ROPN1L: variants seen among roughly 807,000 people sequenced by gnomAD.
The protein encoded by ROPN1L is rhophilin associated tail protein 1 like.
In ROPN1L, 23 loss-of-function variants were observed where a neutral mutation model predicts 22.7. That is an observed-to-expected ratio of 1.01 (90% CI 0.73 to 1.43). ROPN1L has a LOEUF of 1.43. Among genes scored for constraint, ROPN1L ranks in the 40% most tolerant of loss-of-function variants. ROPN1L has a pLI of 0.00. For missense variants in ROPN1L, 271 were observed against 291.5 expected (o/e 0.93, Z 0.51); for synonymous variants, 116 against 117.8 (o/e 0.98, Z 0.10).
rs937981284 is a variant in ROPN1L at position 10,442,094 on chromosome 5, G to C, written c.-74G>C. The C allele has an allele frequency of 1.9e-6, 3 of 1,559,348 alleles. No homozygotes were observed. The highest frequency in any genetic ancestry group is 2.6e-6 in the Non-Finnish European group (3 of 1,144,756). On this transcript the variant is annotated 5_prime_UTR_variant, in exon 1 of 5. Coordinates refer to ENST00000274134, the MANE Select transcript of ROPN1L (RefSeq NM_031916.5). ...CCCGCGCTGCTAGCGGGTCCACCGCGTCGTAGCCGACAGCCGCCCTTCTTC... is the reference window on the plus strand; with the variant it reads ...CCCGCGCTGCTAGCGGGTCCACCGCCTCGTAGCCGACAGCCGCCCTTCTTC...
chr5:10,451,928 A>AATCTATCTGTCT (rs1554029674), intron 3 of ROPN1L, among the ~76,000 whole-genome samples: 14 of 150,520 alleles, frequency 9.3e-5, no homozygotes, highest in Non-Finnish European at 2.1e-4. Context: ...AACTCTGTGA[A>AATCTATCTGTCT]ATCTATCTAT....
intron 4 of ROPN1L, 116 bp downstream of exon 4, chr5:10,461,475 A>C: frequency 4.5e-6 from 4 of 883,452 alleles, no homozygotes; most frequent in Non-Finnish European, 7.2e-6. Context: ...CCACAACAAT[A>C]ATCAACACAG....
In ROPN1L at chr5:10,443,337, T is replaced by G. The variant is rs151093803; in HGVS notation, c.131+1039T>G. On this transcript the variant is annotated intron_variant, in intron 1 of 4. Coordinates refer to ENST00000274134, the MANE Select transcript of ROPN1L (RefSeq NM_031916.5). ...TGACAGCTTAAAACACAGACATACA[T>G]TTGGGCCGGGCGCGGTGGCTCACGC... is the stretch of plus-strand genomic sequence containing the variant. Among the ~76,000 whole-genome samples, 693 of 150,508 alleles carry G rather than the reference T, an allele frequency of 4.6e-3. 2 individuals are homozygous for G. Among genetic ancestry groups the G allele is most frequent in the African/African-American group, 0.016 (677 of 41,428 alleles).
At chr5:10,452,287 A>ATGTG (rs762971211) in intron 3 of ROPN1L, among the ~76,000 whole-genome samples, 172 of 142,508 alleles carry the variant, frequency 1.2e-3, no homozygotes, top group East Asian at 3.1e-3. Flanking sequence ...CCTAAAGTAT[A>ATGTG]TGTGTGTGTG....
chr5:10,458,489 C>CTCA (rs1734904532), intron 3 of ROPN1L, among the ~76,000 whole-genome samples: 1 of 134,256 alleles, frequency 7.4e-6, no homozygotes, highest in African/African-American at 2.9e-5. Context: ...CACCATCCCG[C>CTCA]TGTGTACACC....
intron 3 of ROPN1L, among the ~76,000 whole-genome samples, chr5:10,456,208 TG>T: frequency 6.6e-6 from 1 of 152,352 alleles, no homozygotes; most frequent in South Asian, 2.1e-4. Context: ...AGTGTTTGGC[TG>T]GGTGCAGTGG....
intron 3 of ROPN1L, among the ~76,000 whole-genome samples, chr5:10,459,597 T>G (rs2088625): frequency 6.6e-6 from 1 of 151,932 alleles, no homozygotes; most frequent in African/African-American, 2.4e-5. Flanking sequence ...TCTAGCTACC[T>G]GGAGCTCCTG....
At chr5:10,446,238 C>T (rs1044785384) in intron 1 of ROPN1L, among the ~76,000 whole-genome samples, 7 of 152,170 alleles carry the variant, frequency 4.6e-5, no homozygotes, top group Admixed American at 2.6e-4. Flanking sequence ...TTTCCAGCCT[C>T]GGCCCTACTG....
intron 3 of ROPN1L, among the ~76,000 whole-genome samples, chr5:10,460,840 C>T (rs1735009329): frequency 6.6e-6 from 1 of 152,216 alleles, no homozygotes; most frequent in South Asian, 2.1e-4. Context: ...CCGGGTGTGT[C>T]TCCGGGCCAG....
chr5:10,450,386 C>T (rs908730107), intron 3 of ROPN1L, among the ~76,000 whole-genome samples: 9 of 152,288 alleles, frequency 5.9e-5, no homozygotes, highest in Non-Finnish European at 1.2e-4. Context: ...GAAAATGCAT[C>T]AATGACTTTT....
chr5:10,452,299 G>A (rs1338902753), intron 3 of ROPN1L, among the ~76,000 whole-genome samples: 1 of 145,478 alleles, frequency 6.9e-6, no homozygotes, highest in African/African-American at 2.7e-5. Context: ...GTGTGTGTGT[G>A]TGTGTGTGTG....
intron 3 of ROPN1L, among the ~76,000 whole-genome samples, chr5:10,460,153 G>C (rs1035680968): frequency 3.3e-5 from 5 of 152,034 alleles, no homozygotes; most frequent in Admixed American, 2.6e-4. Context: ...GGGTGTTGAA[G>C]GCTGCAGGTC....
intron 3 of ROPN1L, among the ~76,000 whole-genome samples, chr5:10,457,061 G>A (rs1024996077): frequency 3.9e-5 from 6 of 152,200 alleles, no homozygotes; most frequent in African/African-American, 1.2e-4. Flanking sequence ...TGAAATACAC[G>A]ACTCGGCTTT....
At chr5:10,473,949 C>G (rs1033987643), downstream of ROPN1L, among the ~76,000 whole-genome samples, 2 of 151,926 alleles carry the variant, frequency 1.3e-5, no homozygotes, top group Non-Finnish European at 2.9e-5. Flanking sequence ...TGCAGGAGTT[C>G]GAGACCACCC....
Position 10,464,373 on chromosome 5 carries a change from C to G in ROPN1L, c.594-475C>G, listed in dbSNP as rs560720263. Among the ~76,000 whole-genome samples, 8 of 152,362 alleles carry G rather than the reference C, an allele frequency of 5.3e-5. No homozygotes were observed. The East Asian group carries it at 1.5e-3, about 29-fold the overall frequency. ...CAGCTCTCCTCCTGGTGCCCACAGC[C>G]TCTGCTTCTGCACCGCCATCCGGGT... On this transcript the variant is annotated intron_variant, in intron 4 of 4. Transcript: ENST00000274134.
downstream of ROPN1L, among the ~76,000 whole-genome samples, chr5:10,476,792 T>C (rs1009341882): frequency 7.2e-5 from 11 of 152,364 alleles, no homozygotes; most frequent in African/African-American, 2.2e-4. Context: ...TAATAATGTA[T>C]CTAATTCTCA....
chr5:10,473,877 C>T (rs1317094141), downstream of ROPN1L, among the ~76,000 whole-genome samples: 3 of 152,072 alleles, frequency 2.0e-5, no homozygotes, highest in South Asian at 2.1e-4. Flanking sequence ...TCTGGCTGGG[C>T]GCAATGGTTC....
downstream of ROPN1L, among the ~76,000 whole-genome samples, chr5:10,465,898 G>A (rs752453201): frequency 6.6e-6 from 1 of 152,048 alleles, no homozygotes; most frequent in African/African-American, 2.4e-5. Context: ...GGAGGGGCTC[G>A]CCCTTTGCTC....
chr5:10,454,599 T>G (rs1741357824), intron 3 of ROPN1L, among the ~76,000 whole-genome samples: 1 of 152,184 alleles, frequency 6.6e-6, no homozygotes, highest in Non-Finnish European at 1.5e-5. Context: ...TCTGTCATGA[T>G]CAAAACAAAT....
Sources: allele counts gnomAD v4.1 joint callset (sites outside exome capture counted in the v4.1 genomes callset), GRCh38; gene constraint gnomAD v4.1.1; transcripts MANE v1.5; gene names NCBI Gene and HGNC (gene_info 2026-07-23, HGNC 2026-07-21).